The following STARD13 variants were observed in gnomAD, a reference collection of about 807,000 sequenced individuals.
The protein encoded by STARD13 is stAR-related lipid transfer protein 13.
Under a neutral mutation model 106.4 loss-of-function variants are expected in STARD13, and 62 were observed. That is an observed-to-expected ratio of 0.58 (90% CI 0.48 to 0.72). The LOEUF (loss-of-function observed/expected upper bound fraction) is 0.72. Ranked by LOEUF, STARD13 falls within the 30% of genes least tolerant of loss-of-function variation. STARD13 has a pLI of 0.00. For missense variants in STARD13, 1,387 were observed against 1,424.0 expected (o/e 0.97, Z 0.42); for synonymous variants, 565 against 553.0 (o/e 1.02, Z -0.31).
chr13:33,111,950 C>T, intron 9 of STARD13, 58 bp from the exon 10 acceptor site: 1 of 1,047,200 alleles, frequency 9.5e-7, no homozygotes, highest in South Asian at 1.3e-5. Flanking sequence ...TGTCACAATA[C>T]CAAACTCATC....
At chr13:33,174,513 C>A (rs1259969195) in intron 1 of STARD13, among the ~76,000 whole-genome samples, 1 of 152,156 alleles carries the variant, frequency 6.6e-6, no homozygotes, top group African/African-American at 2.4e-5. Flanking sequence ...CCTAACCCAA[C>A]CACCTTTCCT....
chr13:33,286,332 G>A (rs908215161), upstream of STARD13, among the ~76,000 whole-genome samples: 1 of 152,152 alleles, frequency 6.6e-6, no homozygotes. Context: ...CACGTGATGG[G>A]AATTGGAGGG....
the STARD13 span, among the ~76,000 whole-genome samples, chr13:33,622,981 C>A: frequency 6.6e-6 from 1 of 151,562 alleles, no homozygotes; most frequent in South Asian, 2.1e-4. Context: ...CGCCTGTAGT[C>A]CCAGCTACTC....
chr13:33,452,074 T>C, the STARD13 span, among the ~76,000 whole-genome samples: 2 of 152,174 alleles, frequency 1.3e-5, no homozygotes, highest in Non-Finnish European at 2.9e-5. Context: ...TTTTGTAATT[T>C]AGAGGAGATC....
intron 1 of STARD13, among the ~76,000 whole-genome samples, chr13:33,343,345 T>C (rs1411448238): frequency 2.7e-5 from 4 of 148,034 alleles, no homozygotes; most frequent in African/African-American, 1.0e-4. Flanking sequence ...GAGGTGGAGG[T>C]GGGAACATTG....
chr13:33,224,084 A>G (rs1461629931), intron 1 of STARD13, among the ~76,000 whole-genome samples: 1 of 152,154 alleles, frequency 6.6e-6, no homozygotes, highest in Non-Finnish European at 1.5e-5. Flanking sequence ...GAATTGGGTG[A>G]CCCAAAACAG....
chr13:33,671,233 C>A, the STARD13 span, among the ~76,000 whole-genome samples: 3 of 152,118 alleles, frequency 2.0e-5, no homozygotes, highest in African/African-American at 4.8e-5. Flanking sequence ...TAAAATAATG[C>A]AAATGTCCAA....
In STARD13 at chr13:33,178,028, A is replaced by G. The variant is rs551096144; in HGVS notation, c.170-10406T>C. ...AAGGAAGGAAAGGAAGGAAGGAAGGAAGGAAGGAAGGAAGGAAGGAAGGAA... is the reference window on the plus strand; with the variant it reads ...AAGGAAGGAAAGGAAGGAAGGAAGGGAGGAAGGAAGGAAGGAAGGAAGGAA... On this transcript the variant is annotated intron_variant, in intron 1 of 13. Coordinates refer to ENST00000336934, the MANE Select transcript of STARD13 (RefSeq NM_178006.4). Among the ~76,000 whole-genome samples, 3 of 137,938 alleles carry G rather than the reference A, an allele frequency of 2.2e-5. No individual in the cohort carries two copies. In the East Asian group the frequency reaches 6.5e-4, roughly 30 times the overall value. The allele number at this position is 137,938 out of a possible 152,430, so 90.5% of individuals were successfully genotyped here.
At chr13:33,205,579 G>T (rs1335075659) in intron 1 of STARD13, among the ~76,000 whole-genome samples, 1 of 152,210 alleles carries the variant, frequency 6.6e-6, no homozygotes, top group Admixed American at 6.5e-5. Flanking sequence ...TTCTCTCTGA[G>T]ATTAAATAAA....
the STARD13 span, among the ~76,000 whole-genome samples, chr13:33,388,266 A>G: frequency 6.6e-6 from 1 of 152,206 alleles, no homozygotes; most frequent in African/African-American, 2.4e-5. Context: ...TCTGAGAACT[A>G]AAGGAAAACT....
At chr13:33,284,550 T>C (rs1374646372) in intron 1 of STARD13, among the ~76,000 whole-genome samples, 2 of 152,102 alleles carry the variant, frequency 1.3e-5, no homozygotes, top group African/African-American at 4.8e-5. Context: ...AGGGGCTTCT[T>C]AGGAACGGCT....
At chr13:33,392,486 G>A in the STARD13 span, among the ~76,000 whole-genome samples, 2 of 152,206 alleles carry the variant, frequency 1.3e-5, no homozygotes, top group East Asian at 1.9e-4. Context: ...TGCAACCTCC[G>A]TCTCCTGGAT....
chr13:33,571,418 A>G, the STARD13 span, among the ~76,000 whole-genome samples: 1 of 151,698 alleles, frequency 6.6e-6, no homozygotes. Flanking sequence ...AGATAGTTAA[A>G]AATTAAATGC....
chr13:33,571,793 A>T, the STARD13 span, among the ~76,000 whole-genome samples: 1 of 152,138 alleles, frequency 6.6e-6, no homozygotes, highest in African/African-American at 2.4e-5. Context: ...GTTTGACTAT[A>T]TGTATAACTG....
chr13:33,573,787 T>C, the STARD13 span, among the ~76,000 whole-genome samples: 1 of 152,152 alleles, frequency 6.6e-6, no homozygotes, highest in African/African-American at 2.4e-5. Context: ...TCAAGAAGTA[T>C]CTAGATTCAT....
At position 33,133,668 on chromosome 13, in the gene STARD13, T is replaced by A. The variant is rs543193; in HGVS notation, c.388-3379A>T. ...TATACTAAAGCAAAAAAAAAAAAAATTTATGCTTAAGTAATTATCCTTGTT... is the reference window on the plus strand; with the variant it reads ...TATACTAAAGCAAAAAAAAAAAAAAATTATGCTTAAGTAATTATCCTTGTT... On this transcript the variant is annotated intron_variant, in intron 4 of 13. Coordinates refer to ENST00000336934, the MANE Select transcript of STARD13 (RefSeq NM_178006.4). Among the ~76,000 whole-genome samples the A allele has an allele frequency of 3.9e-4, 55 of 141,776 alleles. No homozygotes were observed. In the South Asian group the frequency reaches 5.9e-3, roughly 15 times the overall value. The allele number at this position is 141,776 out of a possible 152,430, so 93.0% of individuals were successfully genotyped here.
the STARD13 span, among the ~76,000 whole-genome samples, chr13:33,356,696 A>G: frequency 3.3e-5 from 5 of 152,242 alleles, no homozygotes; most frequent in Non-Finnish European, 5.9e-5. Context: ...ATGAGCATGC[A>G]TTACATTTTA....
chr13:33,197,416 T>TTGTGTGTG (rs142681141), intron 1 of STARD13, among the ~76,000 whole-genome samples: 14,104 of 148,014 alleles, frequency 0.095, 727 homozygotes, highest in African/African-American at 0.14. Flanking sequence ...AGGAAGAGAG[T>TTGTGTGTG]TGTGTGTGTG....
At chr13:33,291,346 T>A (rs1241436492) in intron 1 of STARD13, among the ~76,000 whole-genome samples, 1 of 152,060 alleles carries the variant, frequency 6.6e-6, no homozygotes, top group East Asian at 1.9e-4. Flanking sequence ...TCGAACCACA[T>A]GACTTTAGCC....
Sources: gnomAD v4.1 joint callset for allele counts (sites outside exome capture counted in the v4.1 genomes callset) on GRCh38, gnomAD v4.1.1 for gene constraint, MANE v1.5 for transcripts, NCBI Gene and HGNC (gene_info 2026-07-23, HGNC 2026-07-21) for gene names.